Variants in KLHDC4 observed in about 807,000 individuals in gnomAD.
KLHDC4 encodes the protein kelch domain-containing protein 4.
KLHDC4 carries 90 observed loss-of-function variants against 62.4 expected under a neutral mutation model. That is an observed-to-expected ratio of 1.44 (90% CI 1.22 to 1.72). KLHDC4 has a LOEUF of 1.72. Ranked by LOEUF, KLHDC4 falls within the 40% of genes most tolerant of loss-of-function variation. The pLI is 0.00. For missense variants in KLHDC4, 1,025 were observed against 699.7 expected, an observed-to-expected ratio of 1.47 and a Z score of -5.25; for synonymous variants, 386 against 284.4, an observed-to-expected ratio of 1.36 and a Z score of -3.59.
At chr16:87,722,025 T>C (rs1173552185) in intron 7 of KLHDC4, among the ~76,000 whole-genome samples, 1 of 152,002 alleles carries the variant, frequency 6.6e-6, no homozygotes, top group Non-Finnish European at 1.5e-5. Context: ...GAACTCCCCC[T>C]CTCCAGAAGC....
chr16:87,751,465 C>T (rs867510720), intron 4 of KLHDC4, among the ~76,000 whole-genome samples: 1 of 142,700 alleles, frequency 7.0e-6, no homozygotes, highest in Non-Finnish European at 1.5e-5. Context: ...CAGAGCAAGA[C>T]TTCATCTCAA....
chr16:87,712,770 A>G (rs775205293), intron 8 of KLHDC4, among the ~76,000 whole-genome samples: 4 of 152,214 alleles, frequency 2.6e-5, no homozygotes, highest in Non-Finnish European at 5.9e-5. Flanking sequence ...GAAGGAGGTA[A>G]AAACACTTTG....
chr16:87,705,244 C>T (rs964046963), downstream of KLHDC4, among the ~76,000 whole-genome samples: 55 of 152,406 alleles, frequency 3.6e-4, no homozygotes, highest in African/African-American at 1.2e-3. Flanking sequence ...TCACGCCCTA[C>T]GGTGGCTATC....
intron 1 of KLHDC4, 62 bp downstream of exon 1, chr16:87,765,730 G>A (rs1030092069): frequency 1.4e-6 from 2 of 1,465,252 alleles, no homozygotes; most frequent in South Asian, 1.2e-5. Context: ...GGGGGCGCAG[G>A]GAGTCGGCCG....
chr16:87,708,191 C>A (rs543606795), intron 11 of KLHDC4, 116 bp from the exon 12 acceptor site: 2 of 621,542 alleles, frequency 3.2e-6, no homozygotes, highest in South Asian at 1.9e-5. Flanking sequence ...AAAGAGCCCA[C>A]AGGCACACGG....
intron 8 of KLHDC4, among the ~76,000 whole-genome samples, chr16:87,711,858 G>GCCTGCACGGGGACCCTCCAC (rs3838871): frequency 0.053 from 7,562 of 142,048 alleles, 282 homozygotes; most frequent in South Asian, 0.15. Flanking sequence ...CCCCCCTTGG[G>GCCTGCACGGGGACCCTCCAC]CCTGCACGGG....
At chr16:87,709,207 G>A (rs1406815745) in intron 10 of KLHDC4, 58 bp downstream of exon 10, 26 of 1,554,368 alleles carry the variant, frequency 1.7e-5, no homozygotes, top group Admixed American at 8.8e-5. Context: ...CGAGGGACGC[G>A]ACACACGACC....
At chr16:87,739,580 C>A (rs1401006729) in intron 5 of KLHDC4, among the ~76,000 whole-genome samples, 1 of 149,706 alleles carries the variant, frequency 6.7e-6, no homozygotes, top group Non-Finnish European at 1.5e-5. Context: ...AGCACGTCAT[C>A]CATCCACACA....
At position 87,755,201 on chromosome 16, in the gene KLHDC4, G is replaced by C. The variant is rs775885341; in HGVS notation, c.362C>G (p.Ala121Gly). The C allele has an allele frequency of 6.2e-7, 1 of 1,606,540 alleles. No homozygotes were observed. Among genetic ancestry groups the C allele is most frequent in the Non-Finnish European group, 8.5e-7 (1 of 1,173,314 alleles). The change falls in exon 4 of 12, where the codon GCT becomes GGT. Residue 121 changes from alanine (A) to glycine (G), a missense_variant. Ala to Gly is a moderately conservative substitution (Grantham distance 60, BLOSUM62 0). Coordinates refer to ENST00000270583, the MANE Select transcript of KLHDC4 (RefSeq NM_017566.4). ...AGTCAGTGCTGACATTACCTGGTGAGCACAGCGCCTCGGAGGTGGACTGGG... is the reference window on the plus strand; with the variant it reads ...AGTCAGTGCTGACATTACCTGGTGACCACAGCGCCTCGGAGGTGGACTGGG... ...DIPSPPPRRC[A>G]HQAVVVPQGG...
Position 87,755,624 on chromosome 16 carries a change from T to C in KLHDC4, c.271-332A>G, listed in dbSNP as rs1443084428. Reference sequence around the variant, plus strand: ...CGCTGTTGCCCACAATGGAGTGCAATGGCGCAATCTTTGCTCACTGCAACC... The same window carrying C: ...CGCTGTTGCCCACAATGGAGTGCAACGGCGCAATCTTTGCTCACTGCAACC... On this transcript the variant is annotated intron_variant, in intron 3 of 11. Coordinates refer to ENST00000270583, the MANE Select transcript of KLHDC4 (RefSeq NM_017566.4). 1.4e-5 allele frequency: 3 copies of C among 214,960 alleles called. No homozygotes were observed. The Admixed American group carries it at 1.6e-4, about 11-fold the overall frequency. The allele number at this position is 214,960 out of a possible 1,614,324, so 13.3% of individuals were successfully genotyped here. A position where few individuals can be genotyped will look rare whatever the true frequency, so the allele number is the denominator to read the frequency against.
rs2046600813 is a variant in KLHDC4, at chr16:87,765,916, G to C, written c.-26C>G. 1.3e-6 allele frequency: 2 copies of C among 1,547,828 alleles called. No homozygotes were observed. Among genetic ancestry groups the C allele is most frequent in the Admixed American group, 3.9e-5 (2 of 50,952 alleles). On this transcript the variant is annotated 5_prime_UTR_variant, in exon 1 of 12. Coordinates refer to ENST00000270583, the MANE Select transcript of KLHDC4 (RefSeq NM_017566.4). ...CTTGCCGGGTCCCAAGCCGCGACGG[G>C]ACACCAGGAAAGAAAACGGCCCGCG...
chr16:87,739,736 A>C (rs1177744992), intron 5 of KLHDC4: 3 of 152,368 alleles, frequency 2.0e-5, no homozygotes, highest in African/African-American at 7.2e-5. Context: ...CACCACGCGG[A>C]AAGAAGAGCC....
At chr16:87,722,431 A>G (rs984130276) in intron 7 of KLHDC4, among the ~76,000 whole-genome samples, 4 of 152,138 alleles carry the variant, frequency 2.6e-5, no homozygotes, top group Non-Finnish European at 5.9e-5. Flanking sequence ...CAAGGCTCTG[A>G]GCACTACTGT....
At chr16:87,710,092 C>A (rs1597379773) in intron 9 of KLHDC4, 3 of 173,396 alleles carry the variant, frequency 1.7e-5, no homozygotes, top group Admixed American at 1.1e-4. Context: ...CTTTCCCAAG[C>A]AAGACAGACG....
Position 87,756,424 on chromosome 16 carries a change from C to G in KLHDC4, c.245G>C (p.Gly82Ala). ...HPEKDELILF[G>A]GEYFNGQKTF... Reference sequence around the variant, plus strand: ...TTTTTGGCCGTTGAAATATTCACCTCCAAAAAGGATTAACTCATCTTTCTC... The same window carrying G: ...TTTTTGGCCGTTGAAATATTCACCTGCAAAAAGGATTAACTCATCTTTCTC... The change falls in exon 3 of 12, where the codon GGA (glycine) becomes GCA (alanine). Residue 82 changes from glycine (G) to alanine (A), a missense_variant. Gly to Ala is a moderately conservative substitution (Grantham distance 60). Transcript: ENST00000270583. 2 of 1,613,720 alleles carry G rather than the reference C, an allele frequency of 1.2e-6. No individual in the cohort carries two copies. Among genetic ancestry groups the G allele is most frequent in the Non-Finnish European group, 1.7e-6 (2 of 1,179,684 alleles).
In KLHDC4 at chr16:87,730,548, C is replaced by G; in HGVS notation, c.599+4G>C. 1 of 1,605,556 alleles carries G rather than the reference C, an allele frequency of 6.2e-7. No homozygotes were observed. The highest frequency in any genetic ancestry group is 8.5e-7 in the Non-Finnish European group (1 of 1,177,368). On this transcript the variant is annotated splice_donor_region_variant and intron_variant, in intron 6 of 11. Coordinates refer to ENST00000270583, the MANE Select transcript of KLHDC4 (RefSeq NM_017566.4). ...AGAAAGATTTTTCCGTTCTTGGTAC[C>G]AACCGTGTACTTTCATGGAAGCCAC...
chr16:87,714,429 G>C, intron 8 of KLHDC4, 69 bp downstream of exon 8: 1 of 1,547,452 alleles, frequency 6.5e-7, no homozygotes, highest in Non-Finnish European at 8.8e-7. Flanking sequence ...ATCCATGGGA[G>C]GGTGTGGGCT....
intron 5 of KLHDC4, 68 bp downstream of exon 5, chr16:87,748,605 C>A: frequency 6.3e-7 from 1 of 1,591,684 alleles, no homozygotes; most frequent in Non-Finnish European, 8.6e-7. Context: ...CTGCTCCGAG[C>A]ACTCGGGCTC....
intron 5 of KLHDC4, among the ~76,000 whole-genome samples, chr16:87,738,496 A>T (rs1282404723): frequency 1.3e-5 from 2 of 152,254 alleles, no homozygotes; most frequent in East Asian, 3.9e-4. Flanking sequence ...AGAAAAGTGG[A>T]AACAACCCAA....
Sources: allele counts gnomAD v4.1 joint callset (sites outside exome capture counted in the v4.1 genomes callset), GRCh38; gene constraint gnomAD v4.1.1; transcripts MANE v1.5; gene names NCBI Gene and HGNC (gene_info 2026-07-23, HGNC 2026-07-21).